The following ACSL3 variants were observed in gnomAD, a reference collection of about 807,000 sequenced individuals.
The protein encoded by ACSL3 is fatty acid CoA ligase Acsl3.
Under a neutral mutation model 84.7 loss-of-function variants are expected in ACSL3, and 34 were observed. The ratio of observed to expected loss-of-function variants is 0.40; its 90% CI spans 0.31 to 0.53. The LOEUF is 0.53. Among genes scored for constraint, ACSL3 ranks in the 20% least tolerant of loss-of-function variants. The pLI is 0.48. For missense variants in ACSL3, 680 were observed against 873.1 expected, an observed-to-expected ratio of 0.78 and a Z score of 2.79; for synonymous variants, 315 against 299.4, an observed-to-expected ratio of 1.05 and a Z score of -0.54.
At chr2:222,921,032 ATCT>A (rs1258966371) in intron 7 of ACSL3, 2 of 598,120 alleles carry the variant, frequency 3.3e-6, no homozygotes, top group Admixed American at 2.2e-5. Context: ...ATCTATTGTC[ATCT>A]TCTCACCTTG....
intron 1 of ACSL3, among the ~76,000 whole-genome samples, chr2:222,863,412 C>T (rs538114620): frequency 1.3e-5 from 2 of 152,288 alleles, no homozygotes; most frequent in Admixed American, 1.3e-4. Flanking sequence ...CAGTGTATTT[C>T]ATACTCAGAA....
chr2:222,936,954 C>G (rs935074044), intron 16 of ACSL3, among the ~76,000 whole-genome samples: 2 of 152,074 alleles, frequency 1.3e-5, no homozygotes, highest in Non-Finnish European at 2.9e-5. Flanking sequence ...ATGGAGAAAC[C>G]GCACCCATGA....
rs977978400 is a variant in ACSL3, at chr2:222,942,582, T to C, written c.*928T>C. 5.1e-6 allele frequency: 1 copy of C among 197,554 alleles called. No individual in the cohort carries two copies. The highest frequency in any genetic ancestry group is 1.0e-5 in the Non-Finnish European group (1 of 95,634). 12.2% of individuals were successfully genotyped at this position (197,554 alleles called of 1,614,324 possible). A position where few individuals can be genotyped will look rare whatever the true frequency, so the allele number is the denominator to read the frequency against. On this transcript the variant is annotated 3_prime_UTR_variant, in exon 17 of 17. Coordinates refer to ENST00000357430, the MANE Select transcript of ACSL3 (RefSeq NM_004457.5). ...GAGTTATCTATATTTGTAAACAAATTAGTCATGGAAAATTATTCTATCTCA... is the reference window on the plus strand; with the variant it reads ...GAGTTATCTATATTTGTAAACAAATCAGTCATGGAAAATTATTCTATCTCA...
intron 1 of ACSL3, among the ~76,000 whole-genome samples, chr2:222,873,108 A>G (rs1294456134): frequency 1.3e-5 from 2 of 152,220 alleles, no homozygotes; most frequent in African/African-American, 4.8e-5. Flanking sequence ...AGTTACTACA[A>G]AAAGTTTAAA....
At chr2:222,874,096 A>AC (rs1255484265) in intron 1 of ACSL3, among the ~76,000 whole-genome samples, 1 of 151,966 alleles carries the variant, frequency 6.6e-6, no homozygotes, top group Non-Finnish European at 1.5e-5. Context: ...ATCTTGGCTC[A>AC]CTGCAACCTC....
chr2:222,877,065 A>C (rs1008239654), intron 1 of ACSL3, among the ~76,000 whole-genome samples: 1 of 152,210 alleles, frequency 6.6e-6, no homozygotes, highest in African/African-American at 2.4e-5. Context: ...GGACAAGAAC[A>C]CACATGGGGA....
rs1360100087 is a variant in ACSL3, at chr2:222,908,800, T to C, written c.28T>C (p.Ser10Pro). Residue 10 changes from serine (S) to proline (P), a missense_variant, in exon 4 of 17, where the codon TCT becomes CCT. Coordinates refer to ENST00000357430, the MANE Select transcript of ACSL3 (RefSeq NM_004457.5). The stretch of plus-strand genomic sequence containing the variant: ...GAATAACCACGTGTCTTCAAAACCA[T>C]CTACCATGAAGCTAAAACATACCAT... MNNHVSSKPSTMKLKHTINP... is the reference protein window; with the variant it reads MNNHVSSKPPTMKLKHTINP... 1 of 1,602,182 alleles carries C rather than the reference T, an allele frequency of 6.2e-7. No individual in the cohort carries two copies. The highest frequency in any genetic ancestry group is 1.8e-5 in the Admixed American group (1 of 56,860).
chr2:222,901,424 T>C (rs1299665444), intron 3 of ACSL3, among the ~76,000 whole-genome samples: 2 of 152,238 alleles, frequency 1.3e-5, no homozygotes, highest in African/African-American at 4.8e-5. Context: ...TCTGTCCTTT[T>C]GCCAGTACCA....
intron 1 of ACSL3, among the ~76,000 whole-genome samples, chr2:222,874,668 C>T (rs1192110628): frequency 6.6e-6 from 1 of 150,624 alleles, no homozygotes; most frequent in Non-Finnish European, 1.5e-5. Flanking sequence ...GCAAGAGACC[C>T]TGTCTGAAAA....
In ACSL3 at chr2:222,942,623, CTAGA is replaced by C. The variant is rs1697343848; in HGVS notation, c.*972_*975del. ...TTCTATCTCAAAGTCTCCTTTTAGTCTAGATAATCATTATTTCATTTTAAAATTA... is the reference window on the plus strand; with the variant it reads ...TTCTATCTCAAAGTCTCCTTTTAGTCTAATCATTATTTCATTTTAAAATTA... On this transcript the variant is annotated 3_prime_UTR_variant, in exon 17 of 17. Coordinates refer to ENST00000357430, the MANE Select transcript of ACSL3 (RefSeq NM_004457.5). 1.5e-5 allele frequency: 3 copies of C among 200,310 alleles called. No individual in the cohort carries two copies. The highest frequency in any genetic ancestry group is 6.9e-5 in the African/African-American group (3 of 43,492). 12.4% of individuals were successfully genotyped at this position (200,310 alleles called of 1,614,324 possible). A position where few individuals can be genotyped will look rare whatever the true frequency, so the allele number is the denominator to read the frequency against.
intron 16 of ACSL3, 25 bp from the exon 17 acceptor site, chr2:222,941,472 T>TTC: frequency 4.3e-6 from 5 of 1,153,832 alleles, no homozygotes; most frequent in East Asian, 2.7e-5. Context: ...CCTTTTCTTC[T>TTC]TTTCTTTTTT....
intron 12 of ACSL3, among the ~76,000 whole-genome samples, chr2:222,928,616 A>G (rs187252367): frequency 1.3e-4 from 20 of 151,992 alleles, no homozygotes; most frequent in Admixed American, 1.0e-3. Context: ...TTACATCTAA[A>G]ATTTCCTGAT....
chr2:222,881,206 A>T (rs558895487), intron 1 of ACSL3, among the ~76,000 whole-genome samples: 2 of 152,302 alleles, frequency 1.3e-5, no homozygotes, highest in South Asian at 2.1e-4. Flanking sequence ...TAACTATTTT[A>T]TGTTCTTTTT....
intron 11 of ACSL3, among the ~76,000 whole-genome samples, chr2:222,926,714 A>G (rs912986148): frequency 7.2e-5 from 11 of 152,338 alleles, no homozygotes; most frequent in African/African-American, 2.6e-4. Flanking sequence ...TATTTTATGT[A>G]AATAATGATA....
chr2:222,890,199 TTG>T (rs1473377957), intron 2 of ACSL3, among the ~76,000 whole-genome samples: 1 of 152,224 alleles, frequency 6.6e-6, no homozygotes, highest in Non-Finnish European at 1.5e-5. Context: ...TTTCTTAACT[TTG>T]TTTTTTTAGC....
chr2:222,877,550 A>G (rs1695481210), intron 1 of ACSL3, among the ~76,000 whole-genome samples: 1 of 152,234 alleles, frequency 6.6e-6, no homozygotes, highest in Non-Finnish European at 1.5e-5. Flanking sequence ...TGACGGCTAC[A>G]TATACACTTA....
chr2:222,921,239 C>A, intron 7 of ACSL3, 41 bp from the exon 8 acceptor site: 1 of 1,574,978 alleles, frequency 6.3e-7, no homozygotes, highest in South Asian at 1.1e-5. Flanking sequence ...ACAGCTGAAT[C>A]TCATGAAAGT....
intron 13 of ACSL3, among the ~76,000 whole-genome samples, chr2:222,930,027 C>T (rs1696983464): frequency 6.9e-6 from 1 of 145,650 alleles, no homozygotes; most frequent in Non-Finnish European, 1.5e-5. Context: ...CTCCTGGGTT[C>T]AAGTGATTCT....
intron 3 of ACSL3, among the ~76,000 whole-genome samples, chr2:222,901,565 G>T (rs1404549481): frequency 1.3e-5 from 2 of 152,060 alleles, no homozygotes; most frequent in African/African-American, 4.8e-5. Context: ...TTTAAAATCA[G>T]CTTACTTATT....
Sources: allele counts gnomAD v4.1 joint callset (sites outside exome capture counted in the v4.1 genomes callset), GRCh38; gene constraint gnomAD v4.1.1; transcripts MANE v1.5; gene names NCBI Gene and HGNC (gene_info 2026-07-23, HGNC 2026-07-21).